Variants in CNOT4 observed in about 807,000 individuals in gnomAD.
The protein encoded by CNOT4 is CCR4-associated factor 4.
In CNOT4, 8 loss-of-function variants were observed where a neutral mutation model predicts 73.8. That is an observed-to-expected ratio of 0.11 (90% CI 0.06 to 0.20). The LOEUF (loss-of-function observed/expected upper bound fraction) is 0.20. Ranked by LOEUF, CNOT4 falls within the 10% of genes least tolerant of loss-of-function variation. The pLI, the probability that CNOT4 is intolerant of heterozygous loss-of-function variation, is 1.00. For synonymous variants in CNOT4, 293 were observed against 321.1 expected (o/e 0.91, Z 0.94); for missense variants, 564 against 883.4 (o/e 0.64, Z 4.58).
intron 10 of CNOT4, chr7:135,386,595 A>G (rs1042853432): frequency 2.0e-5 from 3 of 152,242 alleles, no homozygotes; most frequent in African/African-American, 7.2e-5. Context: ...AACCATGTTT[A>G]AATAAAATAT....
chr7:135,403,945 G>A (rs936754627), intron 7 of CNOT4, among the ~76,000 whole-genome samples: 1 of 152,040 alleles, frequency 6.6e-6, no homozygotes, highest in Non-Finnish European at 1.5e-5. Flanking sequence ...CTTCTTATTT[G>A]CTTTCATTCT....
chr7:135,400,132 C>T (rs575342872), intron 7 of CNOT4, among the ~76,000 whole-genome samples: 39 of 152,026 alleles, frequency 2.6e-4, no homozygotes, highest in Non-Finnish European at 1.5e-4. Flanking sequence ...GGGGAAAGAA[C>T]AGCATTAAAG....
Position 135,422,291 on chromosome 7 carries a change from C to A in CNOT4, c.237G>T (p.Lys79Asn). The A allele has an allele frequency of 6.3e-7, 1 of 1,585,072 alleles. No individual in the cohort carries two copies. The highest frequency in any genetic ancestry group is 8.7e-7 in the Non-Finnish European group (1 of 1,153,708). ...CATTTTGTTTCTGTTTTTTCTCATT[C>A]TTTATCCTTTGCAGCTCTTCCTGGG... ...PLSQEELQRI[K>N]NEKKQKQNER... Residue 79 changes from lysine (K) to asparagine (N), a missense_variant, in exon 3 of 12, where the codon AAG becomes AAT. This residue lies in a region of CNOT4 where 76 missense variants were observed against 208.7 expected (regional missense o/e 0.36). Transcript: ENST00000541284.
intron 10 of CNOT4, chr7:135,388,478 A>T (rs1189182943): frequency 8.0e-6 from 8 of 996,458 alleles, no homozygotes; most frequent in Non-Finnish European, 9.6e-6. Context: ...ATTTTTCAAT[A>T]ATAGAGCCAA....
rs1794794624 is a variant in CNOT4, at chr7:135,364,249, G to A, written c.1628-183C>T. Among the ~76,000 whole-genome samples, 1 of 152,226 alleles carries A rather than the reference G, an allele frequency of 6.6e-6. No individual in the cohort carries two copies. The highest frequency in any genetic ancestry group is 6.5e-5 in the Admixed American group (1 of 15,284). Reference sequence around the variant, plus strand: ...TTTTGCTCGTGAGCTCAGAGCCCCTGAAGTGAGGAAAAACTTGCTCAAGGA... The same window carrying A: ...TTTTGCTCGTGAGCTCAGAGCCCCTAAAGTGAGGAAAAACTTGCTCAAGGA... On this transcript the variant is annotated intron_variant, in intron 10 of 11. Transcript: ENST00000541284. The surrounding 1 kb of genome is among the most constrained non-coding windows in gnomAD (Gnocchi z 4.3).
chr7:135,393,871 A>C, intron 10 of CNOT4, 47 bp downstream of exon 10: 1 of 1,411,248 alleles, frequency 7.1e-7, no homozygotes, highest in African/African-American at 1.4e-5. Context: ...CAACAACCTG[A>C]AAATATGAGT....
chr7:135,369,931 T>C (rs889148446), intron 10 of CNOT4, among the ~76,000 whole-genome samples: 1 of 152,228 alleles, frequency 6.6e-6, no homozygotes, highest in African/African-American at 2.4e-5. Context: ...CATATTGAAA[T>C]TTAAAAGAAA....
chr7:135,509,793 AG>A (rs1021743934), intron 1 of CNOT4, 95 bp downstream of exon 1: 11 of 336,854 alleles, frequency 3.3e-5, no homozygotes, highest in African/African-American at 1.2e-4. Flanking sequence ...GTGGGGAGAA[AG>A]GGGGGTGCGG....
intron 10 of CNOT4, among the ~76,000 whole-genome samples, chr7:135,391,998 G>A (rs1796427479): frequency 6.6e-6 from 1 of 152,094 alleles, no homozygotes; most frequent in Middle Eastern, 3.4e-3. Flanking sequence ...AGCACCTCCT[G>A]TTATAGGAGG....
chr7:135,424,646 G>A (rs1187998925), intron 2 of CNOT4, among the ~76,000 whole-genome samples: 5 of 152,080 alleles, frequency 3.3e-5, no homozygotes, highest in East Asian at 1.9e-4. Flanking sequence ...AAAACTAGCC[G>A]GGTGTGGTAG....
chr7:135,494,970 C>A (rs550676077), intron 1 of CNOT4, among the ~76,000 whole-genome samples: 30 of 152,186 alleles, frequency 2.0e-4, no homozygotes, highest in Non-Finnish European at 3.8e-4. Flanking sequence ...ACATTTACCA[C>A]ATAGCATTGT....
intron 1 of CNOT4, among the ~76,000 whole-genome samples, chr7:135,455,458 A>C (rs1800466928): frequency 6.6e-6 from 1 of 152,162 alleles, no homozygotes; most frequent in Non-Finnish European, 1.5e-5. Flanking sequence ...TTTAAAAAAC[A>C]ATTTCAAAAT....
At chr7:135,419,954 G>A (rs538406518) in intron 3 of CNOT4, among the ~76,000 whole-genome samples, 7 of 152,104 alleles carry the variant, frequency 4.6e-5, no homozygotes, top group African/African-American at 1.4e-4. Context: ...TCAGGTGGTG[G>A]AGACAGGAGA....
intron 1 of CNOT4, among the ~76,000 whole-genome samples, chr7:135,489,391 CTTT>C (rs71174525): frequency 1.2e-5 from 1 of 84,746 alleles, no homozygotes; most frequent in East Asian, 3.4e-4. Context: ...AGTCACATTT[CTTT>C]TTTTTTTTTT....
chr7:135,444,144 AAAT>A (rs140965410), intron 1 of CNOT4, among the ~76,000 whole-genome samples: 28,497 of 149,338 alleles, frequency 0.19, 2,879 homozygotes, highest in Middle Eastern at 0.24. Context: ...CTGTTTCAAA[AAAT>A]AATAATAATA....
chr7:135,454,867 G>A (rs1192571508), intron 1 of CNOT4, among the ~76,000 whole-genome samples: 1 of 152,130 alleles, frequency 6.6e-6, no homozygotes, highest in African/African-American at 2.4e-5. Flanking sequence ...CTGTGTGACA[G>A]AGTGACAGCG....
chr7:135,371,401 G>A (rs1795198337), intron 10 of CNOT4, among the ~76,000 whole-genome samples: 1 of 152,174 alleles, frequency 6.6e-6, no homozygotes, highest in South Asian at 2.1e-4. Context: ...CATAAAGAAG[G>A]AAGTGAATAA....
chr7:135,502,013 T>C (rs752253941), intron 1 of CNOT4, among the ~76,000 whole-genome samples: 13 of 152,216 alleles, frequency 8.5e-5, no homozygotes, highest in Non-Finnish European at 1.6e-4. Flanking sequence ...AAGCAAGTTC[T>C]GCCCTCTCTG....
chr7:135,387,524 T>C, intron 10 of CNOT4: 1 of 972,932 alleles, frequency 1.0e-6, no homozygotes, highest in Non-Finnish European at 1.2e-6. Context: ...TCTAGGCTTC[T>C]TTTTTGTATT....
Sources: allele counts gnomAD v4.1 joint callset (sites outside exome capture counted in the v4.1 genomes callset), GRCh38; gene constraint gnomAD v4.1.1; regional missense constraint gnomAD v4.1.1; non-coding constraint Gnocchi (gnomAD v3.1); transcripts MANE v1.5; gene names NCBI Gene and HGNC (gene_info 2026-07-23, HGNC 2026-07-21).